The following ZSWIM2 variants were observed in gnomAD, a reference collection of about 807,000 sequenced individuals.
The protein encoded by ZSWIM2 is E3 ubiquitin-protein ligase ZSWIM2.
ZSWIM2 carries 38 observed loss-of-function variants against 48.4 expected under a neutral mutation model. That is an observed-to-expected ratio of 0.79 (90% CI 0.61 to 1.03). ZSWIM2 has a LOEUF of 1.03. ZSWIM2 is among the 50% of genes least tolerant of loss of function. The pLI is 0.00. For synonymous variants in ZSWIM2, 240 were observed against 251.3 expected, an observed-to-expected ratio of 0.96 and a Z score of 0.42; for missense variants, 776 against 730.2, an observed-to-expected ratio of 1.06 and a Z score of -0.72.
intron 2 of ZSWIM2, among the ~76,000 whole-genome samples, chr2:186,845,226 G>A (rs879540138): frequency 3.3e-5 from 5 of 151,118 alleles, no homozygotes; most frequent in Admixed American, 2.0e-4. Context: ...TTTAAAAAAT[G>A]TGGGAAATGC....
At chr2:186,843,468 A>C (rs927897864) in intron 3 of ZSWIM2, among the ~76,000 whole-genome samples, 4 of 151,650 alleles carry the variant, frequency 2.6e-5, no homozygotes, top group African/African-American at 9.7e-5. Flanking sequence ...GGAAAGTGGA[A>C]CAAAGGTAAG....
chr2:186,830,763 T>C (rs1194650430), intron 7 of ZSWIM2, among the ~76,000 whole-genome samples: 2 of 152,066 alleles, frequency 1.3e-5, no homozygotes, highest in Non-Finnish European at 2.9e-5. Context: ...ATAACTAAGA[T>C]GGTATACTAT....
Position 186,839,120 on chromosome 2 carries a change from C to T in ZSWIM2, c.333G>A (p.Arg111=). Residue 111 remains arginine, a synonymous_variant, in exon 4 of 9, where the codon CGG becomes CGA. Transcript: ENST00000295131. Reference sequence around the variant, plus strand: ...GGGGAGTTTGAACTCGATGTATCCCCCGAAGCAAGTCACTTATCTCTCTTT... The same window carrying T: ...GGGGAGTTTGAACTCGATGTATCCCTCGAAGCAAGTCACTTATCTCTCTTT... ...LGEREISDLL[R]GIHRVQTPQP... is the part of the protein sequence containing the mutation. 1 of 1,611,484 alleles carries T rather than the reference C, an allele frequency of 6.2e-7. No homozygotes were observed.
At chr2:186,833,420 T>C (rs1277404541) in intron 6 of ZSWIM2, among the ~76,000 whole-genome samples, 188 bp from the exon 7 acceptor site, 1 of 152,196 alleles carries the variant, frequency 6.6e-6, no homozygotes, top group Admixed American at 6.5e-5. Context: ...GCTACTATAA[T>C]GGCATTACTT....
chr2:186,831,731 C>T (rs1011662287), intron 7 of ZSWIM2, among the ~76,000 whole-genome samples: 19 of 152,044 alleles, frequency 1.2e-4, no homozygotes, highest in South Asian at 8.3e-4. Context: ...TGTAGGGACA[C>T]GGATGAAGCT....
Position 186,837,346 on chromosome 2 carries a change from T to A in ZSWIM2, c.703A>T (p.Asn235Tyr), listed in dbSNP as rs778568315. The A allele has an allele frequency of 6.2e-7, 1 of 1,612,872 alleles. No homozygotes were observed. Among genetic ancestry groups the A allele is most frequent in the East Asian group, 2.2e-5 (1 of 44,834 alleles). The change falls in exon 5 of 9, where the codon AAT (asparagine) becomes TAT (tyrosine). Residue 235 changes from asparagine (N) to tyrosine (Y), a missense_variant. Transcript: ENST00000295131. ...TCAATTGGAAACTGTTTGCAGTTAT[T>A]ACAGGGAATCCCAAGGTGTTTGTCC... is the stretch of plus-strand genomic sequence containing the variant. ...RLDKHLGIPC[N>Y]NCKQFPIEGK... is the part of the protein sequence containing the mutation.
chr2:186,845,153 C>T (rs1312168723), intron 2 of ZSWIM2, among the ~76,000 whole-genome samples: 1 of 150,784 alleles, frequency 6.6e-6, no homozygotes, highest in Admixed American at 6.6e-5. Flanking sequence ...CTACATATAC[C>T]TCTCTAACGC....
chr2:186,844,645 A>T (rs1223952498), intron 3 of ZSWIM2, 72 bp downstream of exon 3: 3 of 1,400,266 alleles, frequency 2.1e-6, no homozygotes, highest in Admixed American at 2.6e-5. Flanking sequence ...TAAATAAAAC[A>T]TTCTTATATT....
At chr2:186,844,529 C>T (rs1482976109) in intron 3 of ZSWIM2, among the ~76,000 whole-genome samples, 188 bp downstream of exon 3, 2 of 151,412 alleles carry the variant, frequency 1.3e-5, no homozygotes, top group Non-Finnish European at 3.0e-5. Context: ...TATAAAGTTA[C>T]ATTTTTTTAA....
chr2:186,835,177 C>T (rs1691772273), intron 5 of ZSWIM2, among the ~76,000 whole-genome samples: 1 of 151,832 alleles, frequency 6.6e-6, no homozygotes, highest in African/African-American at 2.4e-5. Flanking sequence ...ATTTTTTCCC[C>T]ACAGAATGGA....
Position 186,829,710 on chromosome 2 carries a change from A to G in ZSWIM2, c.1095+17T>C, listed in dbSNP as rs770421369. 6.3e-7 allele frequency: 1 copy of G among 1,599,576 alleles called. No homozygotes were observed. Among genetic ancestry groups the G allele is most frequent in the Non-Finnish European group, 8.5e-7 (1 of 1,175,560 alleles). ...GACCCTACAGGGAAAGTAAAACTAA[A>G]ATGATGTGACTTTTACCTTGTGAGT... On this transcript the variant is annotated intron_variant, in intron 8 of 8. Coordinates refer to ENST00000295131, the MANE Select transcript of ZSWIM2 (RefSeq NM_182521.3).
chr2:186,828,023 A>G lies in ZSWIM2; in HGVS notation c.1863T>C (p.Ser621=). The G allele has an allele frequency of 6.2e-7, 1 of 1,609,210 alleles. No homozygotes were observed. The highest frequency in any genetic ancestry group is 8.5e-7 in the Non-Finnish European group (1 of 1,178,364). The change falls in exon 9 of 9, where the codon AGT becomes AGC. Residue 621 remains serine (S), a synonymous_variant. Coordinates refer to ENST00000295131, the MANE Select transcript of ZSWIM2 (RefSeq NM_182521.3). ...CTTCTATTATTAAAGATAGCTCAGTACTTTTTGTATTTACAGAGTGAGACA... is the reference window on the plus strand; with the variant it reads ...CTTCTATTATTAAAGATAGCTCAGTGCTTTTTGTATTTACAGAGTGAGACA... ...QPVSHSVNTK[S]TELSLIIEGV...
intron 7 of ZSWIM2, 66 bp downstream of exon 7, chr2:186,833,054 T>C (rs1691731208): frequency 5.9e-6 from 4 of 673,416 alleles, no homozygotes; most frequent in South Asian, 2.6e-5. Flanking sequence ...ATAAAACTTA[T>C]TCAAATTGAG....
At chr2:186,831,292 G>A (rs1574137022) in intron 7 of ZSWIM2, among the ~76,000 whole-genome samples, 1 of 152,000 alleles carries the variant, frequency 6.6e-6, no homozygotes, top group Non-Finnish European at 1.5e-5. Context: ...GAGTACCCAT[G>A]GGCATGGGCT....
At chr2:186,833,593 A>C (rs1427548687) in intron 6 of ZSWIM2, among the ~76,000 whole-genome samples, 1 of 152,184 alleles carries the variant, frequency 6.6e-6, no homozygotes, top group Non-Finnish European at 1.5e-5. Flanking sequence ...AAGAAAATTT[A>C]AGAGAAAATC....
In ZSWIM2 at chr2:186,847,794, A is replaced by T. The variant is rs755683856; in HGVS notation, c.167T>A (p.Val56Asp). ...ACAAACGTGAGGATTTCCTAGAAAA[A>T]CCTTTAAAGGAAAAATGCATACTTA... ...EEEPEYMDFRVFLGNPHVCNC... is the reference protein window; with the variant it reads ...EEEPEYMDFRDFLGNPHVCNC... Residue 56 changes from valine to aspartate, a missense_variant and splice_region_variant, in exon 2 of 9, where the codon GTT (valine) becomes GAT (aspartate). Coordinates refer to ENST00000295131, the MANE Select transcript of ZSWIM2 (RefSeq NM_182521.3). 1 of 1,604,516 alleles carries T rather than the reference A, an allele frequency of 6.2e-7. No individual in the cohort carries two copies. Among genetic ancestry groups the T allele is most frequent in the East Asian group, 2.2e-5 (1 of 44,562 alleles).
chr2:186,839,260 C>G (rs924262773), intron 3 of ZSWIM2, 91 bp from the exon 4 acceptor site: 1 of 1,183,488 alleles, frequency 8.4e-7, no homozygotes, highest in African/African-American at 1.5e-5. Flanking sequence ...AATTTTCTTT[C>G]AAATATCAGA....
At position 186,828,236 on chromosome 2, in the gene ZSWIM2, A is replaced by T. The variant is rs747822536; in HGVS notation, c.1650T>A (p.Cys550Ter). ...SLSRMTKGCK[C>*]NNHNLKKTPA... is the part of the protein sequence containing the mutation. ...GAGTCTTCTTTAGGTTGTGGTTATT[A>T]CATTTACAGCCTTTGGTCATCCGGC... is the stretch of plus-strand genomic sequence containing the variant. The change falls in exon 9 of 9, where the codon TGT becomes TGA. Residue 550 changes from cysteine to a stop codon, truncating the protein, a stop_gained. Transcript: ENST00000295131. LOFTEE classifies it low-confidence loss of function (END_TRUNC). The T allele has an allele frequency of 4.3e-6, 7 of 1,613,446 alleles. No individual in the cohort carries two copies. The Admixed American group carries it at 5.0e-5, about 12-fold the overall frequency.
rs1414619472 is a variant in ZSWIM2, at chr2:186,828,757, G to A, written c.1129C>T (p.His377Tyr). ...TCAATAGGGCATGAATTGCACTTGT[G>A]GAATAACCAGTTGTCAATACACTTC... ...HRKCIDNWLFHKCNSCPIDGQ... is the reference protein window; with the variant it reads ...HRKCIDNWLFYKCNSCPIDGQ... The change falls in exon 9 of 9, where the codon CAC becomes TAC. Residue 377 changes from histidine to tyrosine, a missense_variant. Transcript: ENST00000295131. 1 of 1,586,272 alleles carries A rather than the reference G, an allele frequency of 6.3e-7. No homozygotes were observed. The highest frequency in any genetic ancestry group is 8.6e-7 in the Non-Finnish European group (1 of 1,166,106).
Sources: allele counts gnomAD v4.1 joint callset (sites outside exome capture counted in the v4.1 genomes callset), GRCh38; gene constraint gnomAD v4.1.1; transcripts MANE v1.5; gene names NCBI Gene and HGNC (gene_info 2026-07-23, HGNC 2026-07-21).